The following LRFN5 variants were observed in gnomAD, a reference collection of about 807,000 sequenced individuals.
LRFN5 encodes the protein leucine-rich repeat and fibronectin type-III domain-containing protein 5.
In LRFN5, 24 loss-of-function variants were observed where a neutral mutation model predicts 45.6. The ratio of observed to expected loss-of-function variants is 0.53; its 90% CI spans 0.38 to 0.74. The LOEUF (loss-of-function observed/expected upper bound fraction) is 0.74. Ranked by LOEUF, LRFN5 falls within the 30% of genes least tolerant of loss-of-function variation. The pLI is 0.00. For synonymous variants in LRFN5, 340 were observed against 313.8 expected (o/e 1.08, Z -0.88); for missense variants, 776 against 861.5 (o/e 0.90, Z 1.24).
At chr14:41,681,375 AAAG>A (rs1481340009) in intron 1 of LRFN5, among the ~76,000 whole-genome samples, 1 of 152,186 alleles carries the variant, frequency 6.6e-6, no homozygotes, top group African/African-American at 2.4e-5. Flanking sequence ...TAACAAGAGA[AAAG>A]AAACAATTAA....
At chr14:41,623,737 G>T (rs1190573575) in intron 1 of LRFN5, among the ~76,000 whole-genome samples, 2 of 152,012 alleles carry the variant, frequency 1.3e-5, no homozygotes, top group African/African-American at 2.4e-5. Flanking sequence ...TATTTTAATT[G>T]CACTGGGCAG....
chr14:41,624,316 T>G (rs2138564977), intron 1 of LRFN5, among the ~76,000 whole-genome samples: 1 of 152,236 alleles, frequency 6.6e-6, no homozygotes, highest in Admixed American at 6.6e-5. Context: ...TGTGAAAATT[T>G]CATTGCCACT....
At chr14:41,857,322 A>C (rs760575903) in intron 2 of LRFN5, among the ~76,000 whole-genome samples, 1 of 152,234 alleles carries the variant, frequency 6.6e-6, no homozygotes, top group African/African-American at 2.4e-5. Context: ...TCACAATTTT[A>C]ACTTATTTAA....
rs1594614235 is a variant in LRFN5 at position 41,684,589 on chromosome 14, G to A, written c.-197+76027G>A. Among the ~76,000 whole-genome samples the A allele has an allele frequency of 2.0e-5, 3 of 152,176 alleles. No individual in the cohort carries two copies. In the East Asian group the frequency reaches 5.8e-4, roughly 29 times the overall value. On this transcript the variant is annotated intron_variant, in intron 1 of 5. Coordinates refer to ENST00000298119, the MANE Select transcript of LRFN5 (RefSeq NM_152447.5). ...TCCTTTAACATGTGGGGATTATGGG[G>A]ATTACAATTCAAAATGAGATTTTGG... is the stretch of plus-strand genomic sequence containing the variant.
At chr14:41,780,766 G>A (rs1886453530) in intron 2 of LRFN5, among the ~76,000 whole-genome samples, 1 of 151,466 alleles carries the variant, frequency 6.6e-6, no homozygotes, top group African/African-American at 2.4e-5. Context: ...TTATTTTTCT[G>A]CATTATCTGG....
chr14:41,816,328 AT>A (rs1887916352), intron 2 of LRFN5, among the ~76,000 whole-genome samples: 1 of 152,148 alleles, frequency 6.6e-6, no homozygotes, highest in African/African-American at 2.4e-5. Context: ...TGTTAGATCA[AT>A]TAAGAACAAG....
At chr14:41,808,586 G>T (rs1046214624) in intron 2 of LRFN5, among the ~76,000 whole-genome samples, 1 of 142,778 alleles carries the variant, frequency 7.0e-6, no homozygotes, top group Non-Finnish European at 1.5e-5. Flanking sequence ...AGGAAGGAAG[G>T]AAGGAAGGAA....
chr14:41,832,911 T>A (rs1364127293), intron 2 of LRFN5, among the ~76,000 whole-genome samples: 1 of 152,130 alleles, frequency 6.6e-6, no homozygotes, highest in Admixed American at 6.5e-5. Context: ...AACAGAAACA[T>A]TGTGGGAAGG....
At position 41,729,295 on chromosome 14, in the gene LRFN5, C is replaced by T. The variant is rs996200209; in HGVS notation, c.-196-37559C>T. ...GTTATTTAAAAGAGTGTAGCACCTC[C>T]CTTATTTCTCTCTCTTGCTCCCATT... is the stretch of plus-strand genomic sequence containing the variant. On this transcript the variant is annotated intron_variant, in intron 1 of 5. Transcript: ENST00000298119. Among the ~76,000 whole-genome samples, 5 of 152,120 alleles carry T rather than the reference C, an allele frequency of 3.3e-5. No homozygotes were observed. The South Asian group carries it at 1.0e-3, about 32-fold the overall frequency.
chr14:41,849,872 A>AT (rs1377757364), intron 2 of LRFN5, among the ~76,000 whole-genome samples: 9 of 151,960 alleles, frequency 5.9e-5, no homozygotes, highest in African/African-American at 1.9e-4. Context: ...GAGACTTGAG[A>AT]TTTTTTATAG....
intron 1 of LRFN5, among the ~76,000 whole-genome samples, chr14:41,639,682 G>T (rs1483963532): frequency 1.3e-5 from 2 of 152,066 alleles, no homozygotes; most frequent in Admixed American, 1.3e-4. Context: ...TGGACTGTAT[G>T]GAACAATTAT....
At chr14:41,711,872 G>A (rs57030650) in intron 1 of LRFN5, among the ~76,000 whole-genome samples, 3,660 of 152,276 alleles carry the variant, frequency 0.024, 41 homozygotes, top group Middle Eastern at 0.037. Flanking sequence ...AAACCGTTTT[G>A]TGTGTGTGCA....
intron 1 of LRFN5, among the ~76,000 whole-genome samples, chr14:41,633,250 A>G (rs1225525885): frequency 7.9e-5 from 12 of 152,100 alleles, no homozygotes; most frequent in Non-Finnish European, 1.3e-4. Context: ...GTACTATAAT[A>G]TATATAAACA....
chr14:41,855,708 AT>A (rs35762436), intron 2 of LRFN5, among the ~76,000 whole-genome samples: 19,171 of 152,228 alleles, frequency 0.13, 1,589 homozygotes, highest in Non-Finnish European at 0.18. Flanking sequence ...ATTTGAATAA[AT>A]GTTTAACGAG....
intron 2 of LRFN5, among the ~76,000 whole-genome samples, chr14:41,772,133 C>G (rs1886112448): frequency 6.6e-6 from 1 of 152,056 alleles, no homozygotes; most frequent in Non-Finnish European, 1.5e-5. Flanking sequence ...GGAGATGATA[C>G]ATCTTTTCAA....
chr14:41,759,382 C>T (rs184862313), intron 1 of LRFN5, among the ~76,000 whole-genome samples: 3 of 151,762 alleles, frequency 2.0e-5, no homozygotes, highest in East Asian at 3.9e-4. Context: ...ATGTTCAACC[C>T]ACTGACTTTA....
chr14:41,664,501 A>T (rs554001428), intron 1 of LRFN5, among the ~76,000 whole-genome samples: 1 of 151,898 alleles, frequency 6.6e-6, no homozygotes, highest in Non-Finnish European at 1.5e-5. Context: ...AATCATTTTA[A>T]AATTTTCTTT....
intron 2 of LRFN5, among the ~76,000 whole-genome samples, chr14:41,777,744 T>C (rs1886341703): frequency 6.6e-6 from 1 of 151,770 alleles, no homozygotes; most frequent in South Asian, 2.1e-4. Flanking sequence ...TTTCTTTAAA[T>C]CATTTTATGG....
chr14:41,665,104 T>A (rs1880835145), intron 1 of LRFN5, among the ~76,000 whole-genome samples: 2 of 152,104 alleles, frequency 1.3e-5, no homozygotes, highest in South Asian at 4.1e-4. Context: ...AATTTTTATT[T>A]TTTAATTTGG....
Sources: gnomAD v4.1 joint callset for allele counts (sites outside exome capture counted in the v4.1 genomes callset) on GRCh38, gnomAD v4.1.1 for gene constraint, MANE v1.5 for transcripts, NCBI Gene and HGNC (gene_info 2026-07-23, HGNC 2026-07-21) for gene names.